The following RGS6 variants were observed in gnomAD, a reference collection of about 807,000 sequenced individuals.
The protein encoded by RGS6 is regulator of G protein signaling 6, also known as regulator of G-protein signaling 6.
RGS6 carries 30 observed loss-of-function variants against 78.5 expected under a neutral mutation model. The observed-to-expected ratio is 0.38, with a 90% CI of 0.29 to 0.52. RGS6 has a LOEUF of 0.52. Ranked by LOEUF, RGS6 falls within the 20% of genes least tolerant of loss-of-function variation. RGS6 has a pLI of 0.85. For synonymous variants in RGS6, 206 were observed against 206.0 expected, an observed-to-expected ratio of 1.00 and a Z score of 0.00; for missense variants, 495 against 609.7, an observed-to-expected ratio of 0.81 and a Z score of 1.98.
intron 3 of RGS6, among the ~76,000 whole-genome samples, chr14:72,392,507 A>C (rs528257174): frequency 5.3e-5 from 8 of 152,124 alleles, no homozygotes; most frequent in Non-Finnish European, 1.0e-4. Context: ...CTGGCCCAAG[A>C]GTCACAGAAG....
chr14:72,076,952 T>TTTTA (rs2094597975), intron 2 of RGS6, among the ~76,000 whole-genome samples: 1 of 145,490 alleles, frequency 6.9e-6, no homozygotes, highest in African/African-American at 2.5e-5. Flanking sequence ...CAGCCAAATT[T>TTTTA]TATATATATA....
chr14:72,534,868 C>G (rs1328819481), intron 15 of RGS6, among the ~76,000 whole-genome samples: 1 of 152,198 alleles, frequency 6.6e-6, no homozygotes, highest in Non-Finnish European at 1.5e-5. Context: ...GCTCTCCATC[C>G]CCCTCACCAC....
downstream of RGS6, among the ~76,000 whole-genome samples, chr14:72,567,940 G>A (rs538456364): frequency 6.6e-6 from 1 of 152,328 alleles, no homozygotes; most frequent in South Asian, 2.1e-4. Flanking sequence ...GGGGGTTACT[G>A]GATCTGCCCC....
At chr14:72,399,970 T>A (rs1036992793) in intron 3 of RGS6, among the ~76,000 whole-genome samples, 2 of 152,160 alleles carry the variant, frequency 1.3e-5, no homozygotes, top group African/African-American at 4.8e-5. Context: ...CTCTGCAGGA[T>A]ATTATCCAAG....
chr14:72,541,431 G>T (rs565020308), intron 17 of RGS6: 16 of 1,527,500 alleles, frequency 1.0e-5, no homozygotes, highest in Non-Finnish European at 1.4e-5. Flanking sequence ...TCCCTTCCTC[G>T]GTCTTCCCTC....
intron 2 of RGS6, among the ~76,000 whole-genome samples, chr14:72,175,796 C>T (rs1330582245): frequency 2.0e-5 from 3 of 152,104 alleles, no homozygotes; most frequent in Non-Finnish European, 4.4e-5. Flanking sequence ...TGAAATGCTA[C>T]AGCAGCACGG....
chr14:72,059,882 C>T (rs2093806326), intron 2 of RGS6, among the ~76,000 whole-genome samples: 1 of 152,180 alleles, frequency 6.6e-6, no homozygotes, highest in Non-Finnish European at 1.5e-5. Flanking sequence ...TTGGACTTTC[C>T]AGGCTTGAGA....
At chr14:72,354,471 C>CA (rs56117958) in intron 3 of RGS6, among the ~76,000 whole-genome samples, 32,965 of 128,184 alleles carry the variant, frequency 0.26, 4,049 homozygotes, top group South Asian at 0.42. Flanking sequence ...ACTAAAAATA[C>CA]AAAAAAAAAA....
At chr14:72,139,890 C>T (rs1020065280) in intron 2 of RGS6, among the ~76,000 whole-genome samples, 6 of 151,934 alleles carry the variant, frequency 3.9e-5, no homozygotes, top group East Asian at 1.9e-4. Context: ...GTTTAAATAA[C>T]GATTTAAAAA....
At chr14:72,540,635 C>T (rs376877731) in intron 17 of RGS6, 3 of 1,434,980 alleles carry the variant, frequency 2.1e-6, no homozygotes, top group South Asian at 1.1e-5. Context: ...TGTGGCCTAG[C>T]TGGCGTGTGT....
intron 15 of RGS6, among the ~76,000 whole-genome samples, chr14:72,522,623 GTTTA>G (rs1422680483): frequency 1.3e-5 from 2 of 152,116 alleles, no homozygotes; most frequent in Non-Finnish European, 2.9e-5. Flanking sequence ...CTATGGCTGT[GTTTA>G]TTTATGAACA....
At chr14:71,898,655 T>C in the RGS6 span, among the ~76,000 whole-genome samples, 1 of 152,150 alleles carries the variant, frequency 6.6e-6, no homozygotes, top group Non-Finnish European at 1.5e-5. Context: ...GGCCTAATGC[T>C]CTCCCTCCTT....
intron 13 of RGS6, among the ~76,000 whole-genome samples, chr14:72,507,394 G>A (rs1001771723): frequency 1.3e-5 from 2 of 152,198 alleles, no homozygotes; most frequent in Admixed American, 6.5e-5. Flanking sequence ...CCAGAACTGT[G>A]AGAGAATAAA....
rs147020174 is a variant in RGS6, at chr14:72,562,425, G to A, written c.1431G>A (p.Ser477=). The change falls in exon 18 of 18, where the codon TCG becomes TCA. Residue 477 remains serine, a synonymous_variant. Transcript: ENST00000553525. The stretch of plus-strand genomic sequence containing the variant: ...TCGCTGTCTCTCTGCAGGGAAAGTC[G>A]CTGGCGGGCAAGCGCCTCACGGGCC... ...LEKFTRSVGK[S]LAGKRLTGLM... 7.9e-5 allele frequency: 127 copies of A among 1,612,694 alleles called. No homozygotes were observed. The highest frequency in any genetic ancestry group is 3.7e-4 in the Admixed American group (22 of 60,010).
chr14:72,300,870 T>C (rs758128513), intron 2 of RGS6, among the ~76,000 whole-genome samples: 4 of 152,182 alleles, frequency 2.6e-5, no homozygotes, highest in Non-Finnish European at 5.9e-5. Context: ...TGGATGAGAC[T>C]GTGATGTGTC....
intron 2 of RGS6, among the ~76,000 whole-genome samples, chr14:72,306,689 A>G (rs901175116): frequency 2.0e-5 from 3 of 152,236 alleles, no homozygotes; most frequent in Admixed American, 2.0e-4. Context: ...CTAGAATTAG[A>G]AGCAGAGCCT....
intron 3 of RGS6, among the ~76,000 whole-genome samples, chr14:72,392,168 A>G (rs183774023): frequency 6.6e-6 from 1 of 150,548 alleles, no homozygotes; most frequent in Admixed American, 6.6e-5. Flanking sequence ...ACAAATATAT[A>G]TATACACATA....
At chr14:72,575,339 A>G in the RGS6 span, among the ~76,000 whole-genome samples, 1 of 152,110 alleles carries the variant, frequency 6.6e-6, no homozygotes, top group Non-Finnish European at 1.5e-5. Flanking sequence ...ATGACAGCAG[A>G]AGGTGGAATG....
At chr14:72,342,039 C>T (rs1182518383) in intron 2 of RGS6, among the ~76,000 whole-genome samples, 1 of 152,144 alleles carries the variant, frequency 6.6e-6, no homozygotes, top group South Asian at 2.1e-4. Context: ...TATGTTAGAA[C>T]TTGAATATTT....
Sources: gnomAD v4.1 joint callset for allele counts (sites outside exome capture counted in the v4.1 genomes callset) on GRCh38, gnomAD v4.1.1 for gene constraint, MANE v1.5 for transcripts, NCBI Gene and HGNC (gene_info 2026-07-23, HGNC 2026-07-21) for gene names.